CFH: variants seen among roughly 807,000 people sequenced by gnomAD.
CFH encodes complement factor H.
A neutral mutation model predicts 147.3 loss-of-function variants in CFH; 53 were observed. The observed-to-expected ratio is 0.36, with a 90% CI of 0.29 to 0.45. The LOEUF (loss-of-function observed/expected upper bound fraction) is 0.45. CFH is among the 20% of genes least tolerant of loss of function. CFH has a pLI of 1.00. For missense variants in CFH, 1,380 were observed against 1,498.0 expected, an observed-to-expected ratio of 0.92 and a Z score of 1.30; for synonymous variants, 536 against 489.4, an observed-to-expected ratio of 1.10 and a Z score of -1.26.
intron 9 of CFH, among the ~76,000 whole-genome samples, chr1:196,711,393 G>A (rs1668719614): frequency 6.6e-6 from 1 of 152,036 alleles, no homozygotes; most frequent in Non-Finnish European, 1.5e-5. Flanking sequence ...GGCTGGAGTA[G>A]GGTGAGTATT....
intron 15 of CFH, among the ~76,000 whole-genome samples, chr1:196,734,641 T>C (rs1020528047): frequency 5.3e-5 from 8 of 152,074 alleles, no homozygotes; most frequent in Admixed American, 4.6e-4. Flanking sequence ...AGTATCGTCA[T>C]TGAATCAGTG....
intron 12 of CFH, among the ~76,000 whole-genome samples, chr1:196,726,201 A>T (rs1364552575): frequency 6.6e-6 from 1 of 152,146 alleles, no homozygotes; most frequent in Non-Finnish European, 1.5e-5. Flanking sequence ...AATTAACATG[A>T]TTTTCATAAC....
At chr1:196,685,378 G>C (rs561314062) in intron 7 of CFH, 141 bp downstream of exon 7, 1 of 871,508 alleles carries the variant, frequency 1.1e-6, no homozygotes, top group South Asian at 1.5e-5. Flanking sequence ...TTTAGTTTTC[G>C]AAGTTGCCGA....
intron 1 of CFH, among the ~76,000 whole-genome samples, chr1:196,668,556 T>C (rs1667174012): frequency 6.6e-6 from 1 of 152,100 alleles, no homozygotes; most frequent in Non-Finnish European, 1.5e-5. Context: ...AGGAACTCAG[T>C]GGGAGGTGAC....
intron 7 of CFH, among the ~76,000 whole-genome samples, chr1:196,686,560 T>G (rs1174992789): frequency 6.6e-6 from 1 of 152,146 alleles, no homozygotes; most frequent in Non-Finnish European, 1.5e-5. Context: ...TTAAACTATA[T>G]ATTCCATGAA....
At chr1:196,731,884 G>A (rs1669288262) in intron 15 of CFH, among the ~76,000 whole-genome samples, 1 of 152,000 alleles carries the variant, frequency 6.6e-6, no homozygotes, top group Non-Finnish European at 1.5e-5. Context: ...TCCATTTTAT[G>A]TAACCATTCA....
rs34842495 is a variant in CFH at position 196,676,123 on chromosome 1, G to T, written c.427+58G>T. ...AATAAATATCTAAGATTTAAAAAAA[G>T]TCTTACATTAAAATATCTTAAAGTC... On this transcript the variant is annotated intron_variant, in intron 4 of 21. Transcript: ENST00000367429. The T allele has an allele frequency of 3.3e-3, 3,507 of 1,072,906 alleles. 98 individuals carry two copies. In the African/African-American group the frequency reaches 0.05, roughly 15 times the overall value. 66.5% of individuals were successfully genotyped at this position (1,072,906 alleles called of 1,614,324 possible). A position where few individuals can be genotyped will look rare whatever the true frequency, so the allele number is the denominator to read the frequency against.
At chr1:196,677,825 ATCATT>A (rs1667510669) in intron 5 of CFH, 158 bp downstream of exon 5, 1 of 677,796 alleles carries the variant, frequency 1.5e-6, no homozygotes, top group African/African-American at 1.8e-5. Context: ...CTTTGCATGC[ATCATT>A]TCATTTTAAC....
Position 196,728,333 on chromosome 1 carries a change from AT to A in CFH, c.2237-10del. 1 of 1,372,876 alleles carries A rather than the reference AT, an allele frequency of 7.3e-7. No individual in the cohort carries two copies. Among genetic ancestry groups the A allele is most frequent in the Non-Finnish European group, 9.8e-7 (1 of 1,017,540 alleles). The allele number at this position is 1,372,876 out of a possible 1,614,324, so 85.0% of individuals were successfully genotyped here. The stretch of plus-strand genomic sequence containing the variant: ...ATCATTTGAATTTTCATAAAAATAT[AT>A]TTATTTTATAGCAATAGATAAACTT... On this transcript the variant is annotated splice_polypyrimidine_tract_variant and intron_variant, in intron 14 of 21. Transcript: ENST00000367429.
At chr1:196,725,092 T>C in intron 11 of CFH, 29 bp from the exon 12 acceptor site, 1 of 1,576,956 alleles carries the variant, frequency 6.3e-7, no homozygotes, top group African/African-American at 1.4e-5. Context: ...AATTATATAT[T>C]CTCATGAAAT....
chr1:196,731,697 T>C (rs1367948065), intron 15 of CFH, among the ~76,000 whole-genome samples: 2 of 152,022 alleles, frequency 1.3e-5, no homozygotes, highest in Non-Finnish European at 2.9e-5. Flanking sequence ...TTATGCTCTC[T>C]CAGCTTTTTT....
chr1:196,742,406 T>C (rs978194722), intron 19 of CFH, among the ~76,000 whole-genome samples: 1 of 152,030 alleles, frequency 6.6e-6, no homozygotes, highest in Admixed American at 6.5e-5. Context: ...AATAAATAAA[T>C]ATATAAGTAC....
chr1:196,673,420 T>A, intron 2 of CFH: 1 of 455,514 alleles, frequency 2.2e-6, no homozygotes, highest in South Asian at 2.2e-5. Flanking sequence ...CACTGCAACC[T>A]CTGCCTCCCT....
At chr1:196,696,774 C>T (rs1404313722) in intron 9 of CFH, among the ~76,000 whole-genome samples, 1 of 152,184 alleles carries the variant, frequency 6.6e-6, no homozygotes, top group African/African-American at 2.4e-5. Flanking sequence ...CCCACAGTAA[C>T]CAAAATAGCA....
Position 196,745,677 on chromosome 1 carries a change from T to C in CFH, c.3311-140T>C, listed in dbSNP as rs1374707077. On this transcript the variant is annotated intron_variant, in intron 20 of 21. Coordinates refer to ENST00000367429, the MANE Select transcript of CFH (RefSeq NM_000186.4). ...ACTTTCAGTTTAAAGGGTTAAAATT[T>C]CTTCCAGGACTCATTTCTTTCACCA... 12 of 1,166,966 alleles carry C rather than the reference T, an allele frequency of 1.0e-5. No individual in the cohort carries two copies. The Admixed American group carries it at 1.9e-4, about 19-fold the overall frequency. 72.3% of individuals were successfully genotyped at this position (1,166,966 alleles called of 1,614,324 possible).
chr1:196,710,407 C>T (rs1206499610), intron 9 of CFH, among the ~76,000 whole-genome samples: 2 of 152,152 alleles, frequency 1.3e-5, no homozygotes, highest in Non-Finnish European at 2.9e-5. Flanking sequence ...TTTATAGGAT[C>T]GATCCATGCA....
chr1:196,735,434 T>A (rs1295152513), intron 15 of CFH, among the ~76,000 whole-genome samples: 1 of 152,148 alleles, frequency 6.6e-6, no homozygotes, highest in Non-Finnish European at 1.5e-5. Flanking sequence ...TGGGTCACAA[T>A]GTTCTTCAAA....
In CFH at chr1:196,663,893, G is replaced by C. The variant is rs753782845; in HGVS notation, c.59-9085G>C. On this transcript the variant is annotated intron_variant, in intron 1 of 21. Coordinates refer to ENST00000367429, the MANE Select transcript of CFH (RefSeq NM_000186.4). ...AATAAGGCTATCAAAAAGCAAGCTT[G>C]TGTCTTCCCCAAATGGTGAATGCCC... 1.4e-4 allele frequency among the ~76,000 whole-genome samples: 21 copies of C among 152,228 alleles called. 1 individual carries two copies. Among genetic ancestry groups the C allele is most frequent in the Middle Eastern group, 6.8e-3 (2 of 292 alleles).
At chr1:196,677,304 T>A in intron 4 of CFH, 172 bp from the exon 5 acceptor site, 1 of 604,892 alleles carries the variant, frequency 1.7e-6, no homozygotes, top group Admixed American at 2.8e-5. Context: ...ACATTCCATT[T>A]GCTTGTTTCT....
Sources: gnomAD v4.1 joint callset for allele counts (sites outside exome capture counted in the v4.1 genomes callset) on GRCh38, gnomAD v4.1.1 for gene constraint, MANE v1.5 for transcripts, NCBI Gene and HGNC (gene_info 2026-07-23, HGNC 2026-07-21) for gene names.